SPATS2L: variants seen among roughly 807,000 people sequenced by gnomAD.
SPATS2L encodes spermatogenesis associated serine rich 2 like.
Under a neutral mutation model 59.6 loss-of-function variants are expected in SPATS2L, and 30 were observed. The observed-to-expected ratio is 0.50, with a 90% confidence interval of 0.38 to 0.68. SPATS2L has a LOEUF of 0.68. SPATS2L is among the 30% of genes least tolerant of loss of function. SPATS2L has a pLI of 0.00. For synonymous variants in SPATS2L, 252 were observed against 263.5 expected (o/e 0.96, Z 0.42); for missense variants, 615 against 700.0 (o/e 0.88, Z 1.37).
At chr2:200,329,040 C>T (rs545181509) in intron 1 of SPATS2L, among the ~76,000 whole-genome samples, 18 of 152,314 alleles carry the variant, frequency 1.2e-4, no homozygotes, top group African/African-American at 4.3e-4. Context: ...CCAGGGCCTA[C>T]CTCAGAGTAT....
chr2:200,406,914 A>G (rs1250794067), intron 3 of SPATS2L, among the ~76,000 whole-genome samples: 2 of 152,170 alleles, frequency 1.3e-5, no homozygotes, highest in African/African-American at 4.8e-5. Flanking sequence ...TACACCATAG[A>G]GAAGGGAAAA....
intron 8 of SPATS2L, 59 bp from the exon 9 acceptor site, chr2:200,459,709 TA>T: frequency 7.5e-7 from 1 of 1,326,128 alleles, no homozygotes; most frequent in African/African-American, 1.5e-5. Flanking sequence ...CAGTGCTTAT[TA>T]AAAGTTTATC....
chr2:200,366,793 A>T (rs1221839772), intron 2 of SPATS2L, among the ~76,000 whole-genome samples: 2 of 152,218 alleles, frequency 1.3e-5, no homozygotes, highest in Non-Finnish European at 1.5e-5. Context: ...GATTTTCAAG[A>T]TGTTGCCTTC....
intron 8 of SPATS2L, among the ~76,000 whole-genome samples, chr2:200,453,009 T>TA (rs2085575991): frequency 6.6e-6 from 1 of 152,112 alleles, no homozygotes; most frequent in African/African-American, 2.4e-5. Context: ...TCCAGCAGTG[T>TA]AACAATAAAC....
At chr2:200,420,818 GATTA>G (rs1310978619) in intron 6 of SPATS2L, among the ~76,000 whole-genome samples, 1 of 152,120 alleles carries the variant, frequency 6.6e-6, no homozygotes, top group Non-Finnish European at 1.5e-5. Flanking sequence ...TCAGGACACA[GATTA>G]ATTCTTTGTT....
At chr2:200,306,658 G>C (rs1295267695), upstream of SPATS2L, 2 of 988,216 alleles carry the variant, frequency 2.0e-6, no homozygotes, top group African/African-American at 1.8e-5. Flanking sequence ...GCCTGCGAGG[G>C]GCGGGAGTGT....
rs1469814247 is a variant in SPATS2L, at chr2:200,481,102, G to A, written c.*3071G>A. Reference sequence around the variant, plus strand: ...TCTCTGCATACTCCAGCTCTGTCCTGTTGATCCTATTCTAGAAGTGCTTAA... The same window carrying A: ...TCTCTGCATACTCCAGCTCTGTCCTATTGATCCTATTCTAGAAGTGCTTAA... On this transcript the variant is annotated 3_prime_UTR_variant, in exon 13 of 13. Coordinates refer to ENST00000409140, the MANE Select transcript of SPATS2L (RefSeq NM_001100423.2). 6.6e-6 allele frequency: 1 copy of A among 152,168 alleles called. No individual in the cohort carries two copies. The highest frequency in any genetic ancestry group is 1.5e-5 in the Non-Finnish European group (1 of 68,034). 9.4% of individuals were successfully genotyped at this position (152,168 alleles called of 1,614,324 possible).
intron 1 of SPATS2L, among the ~76,000 whole-genome samples, chr2:200,313,845 C>T (rs2079273835): frequency 6.6e-6 from 1 of 152,200 alleles, no homozygotes; most frequent in Admixed American, 6.5e-5. Context: ...CTTTGCACAA[C>T]ATTTGGTGTT....
chr2:200,408,207 G>A (rs2082754059), intron 3 of SPATS2L, among the ~76,000 whole-genome samples: 1 of 152,180 alleles, frequency 6.6e-6, no homozygotes, highest in Admixed American at 6.5e-5. Flanking sequence ...GGAAAAGCCC[G>A]GCCTGGGGGT....
At chr2:200,349,913 T>A (rs1165860357) in intron 2 of SPATS2L, among the ~76,000 whole-genome samples, 1 of 152,140 alleles carries the variant, frequency 6.6e-6, no homozygotes, top group Non-Finnish European at 1.5e-5. Flanking sequence ...AGGAATGAAA[T>A]TCACATCTCC....
intron 5 of SPATS2L, among the ~76,000 whole-genome samples, chr2:200,416,682 T>A (rs1361505753): frequency 6.6e-6 from 1 of 152,218 alleles, no homozygotes; most frequent in Non-Finnish European, 1.5e-5. Flanking sequence ...TTCTCTTTTT[T>A]AAGTATAAAG....
At chr2:200,385,174 T>C (rs1480300243) in intron 2 of SPATS2L, among the ~76,000 whole-genome samples, 1 of 152,204 alleles carries the variant, frequency 6.6e-6, no homozygotes, top group Non-Finnish European at 1.5e-5. Flanking sequence ...CCAAGCATGA[T>C]GACCAAGATG....
At chr2:200,330,448 T>A (rs2079901220) in intron 2 of SPATS2L, among the ~76,000 whole-genome samples, 1 of 152,242 alleles carries the variant, frequency 6.6e-6, no homozygotes, top group Admixed American at 6.5e-5. Flanking sequence ...AATATTTTAC[T>A]TCCTCATATT....
intron 8 of SPATS2L, among the ~76,000 whole-genome samples, chr2:200,456,273 G>A (rs1475339200): frequency 6.6e-6 from 1 of 152,188 alleles, no homozygotes; most frequent in East Asian, 1.9e-4. Flanking sequence ...AGTTTTGAAA[G>A]CAGCCACCCA....
At chr2:200,412,895 AT>A (rs771775309) in intron 4 of SPATS2L, among the ~76,000 whole-genome samples, 10 of 152,014 alleles carry the variant, frequency 6.6e-5, no homozygotes, top group Non-Finnish European at 1.0e-4. Flanking sequence ...CTATAAAAAA[AT>A]ATATATATAA....
intron 8 of SPATS2L, among the ~76,000 whole-genome samples, chr2:200,445,261 C>T (rs1047286204): frequency 1.3e-5 from 2 of 152,110 alleles, no homozygotes; most frequent in African/African-American, 4.8e-5. Flanking sequence ...TGTGGTGAGC[C>T]GAGGTCGTGC....
chr2:200,342,122 T>C (rs191410667), intron 2 of SPATS2L, among the ~76,000 whole-genome samples: 123 of 152,316 alleles, frequency 8.1e-4, no homozygotes, highest in Middle Eastern at 3.4e-3. Context: ...CCAGTGTCTA[T>C]TCACCATATA....
At chr2:200,341,131 C>T (rs1361088244) in intron 2 of SPATS2L, among the ~76,000 whole-genome samples, 1 of 152,176 alleles carries the variant, frequency 6.6e-6, no homozygotes, top group Non-Finnish European at 1.5e-5. Flanking sequence ...TTATCCCAAC[C>T]AATTCTCACA....
At chr2:200,428,048 T>C (rs562347308) in intron 6 of SPATS2L, among the ~76,000 whole-genome samples, 21 of 113,956 alleles carry the variant, frequency 1.8e-4, no homozygotes, top group Non-Finnish European at 3.3e-4. Flanking sequence ...CCAGCCTGGG[T>C]GACAGCGAGA....
Sources: allele counts gnomAD v4.1 joint callset (sites outside exome capture counted in the v4.1 genomes callset), GRCh38; gene constraint gnomAD v4.1.1; transcripts MANE v1.5; gene names NCBI Gene and HGNC (gene_info 2026-07-23, HGNC 2026-07-21).